The following PPFIA4 variants were observed in gnomAD, a reference collection of about 807,000 sequenced individuals.
The protein encoded by PPFIA4 is liprin-alpha-4.
A neutral mutation model predicts 145.7 loss-of-function variants in PPFIA4; 98 were observed. The ratio of observed to expected loss-of-function variants is 0.67; its 90% CI spans 0.57 to 0.80. The LOEUF is 0.80. PPFIA4 is among the 30% of genes least tolerant of loss of function. The pLI is 0.00. For missense variants in PPFIA4, 1,457 were observed against 1,632.7 expected, an observed-to-expected ratio of 0.89 and a Z score of 1.85; for synonymous variants, 628 against 649.6, an observed-to-expected ratio of 0.97 and a Z score of 0.51.
chr1:203,032,426 C>CTTTTTTTTTTTTTTTTTT (rs67178955), intron 1 of PPFIA4, among the ~76,000 whole-genome samples: 12 of 59,468 alleles, frequency 2.0e-4, no homozygotes, highest in African/African-American at 3.1e-4. Context: ...CCCTTCCCCG[C>CTTTTTTTTTTTTTTTTTT]TTTTTTGTTG....
chr1:203,054,112 G>GGC (rs10635298), intron 15 of PPFIA4, 151 bp downstream of exon 15: 200,978 of 875,066 alleles, frequency 0.23, 24,302 homozygotes, highest in South Asian at 0.28. Flanking sequence ...CAGGCCCGCT[G>GGC]CCAGTGCCGG....
rs533775431 is a variant in PPFIA4 at position 203,054,799 on chromosome 1, C to A, written c.1830-633C>A. On this transcript the variant is annotated intron_variant, in intron 15 of 29. Transcript: ENST00000295706. Reference sequence around the variant, plus strand: ...ATTAATGATAATGACTATCTATTATCGCAATCATTTTGCAAAAGAAAGGAC... The same window carrying A: ...ATTAATGATAATGACTATCTATTATAGCAATCATTTTGCAAAAGAAAGGAC... 7.2e-5 allele frequency among the ~76,000 whole-genome samples: 11 copies of A among 152,084 alleles called. No individual in the cohort carries two copies. In the South Asian group the frequency reaches 2.3e-3, roughly 32 times the overall value.
chr1:203,054,854 TACTC>T (rs1299139314), intron 15 of PPFIA4, among the ~76,000 whole-genome samples: 2 of 152,226 alleles, frequency 1.3e-5, no homozygotes, highest in Non-Finnish European at 2.9e-5. Flanking sequence ...AAGAAAGACA[TACTC>T]AGAATAAAGG....
chr1:203,028,678 T>C (rs1276755151), intron 1 of PPFIA4, among the ~76,000 whole-genome samples: 1 of 151,904 alleles, frequency 6.6e-6, no homozygotes, highest in Non-Finnish European at 1.5e-5. Context: ...TGAGTGTGTG[T>C]GCTTGTGCAT....
intron 19 of PPFIA4, among the ~76,000 whole-genome samples, chr1:203,058,288 G>A (rs1418360370): frequency 6.6e-6 from 1 of 152,138 alleles, no homozygotes; most frequent in Non-Finnish European, 1.5e-5. Context: ...GGAGAGGTCT[G>A]TGTGTGAAGG....
At position 203,068,697 on chromosome 1, in the gene PPFIA4, T is replaced by A; in HGVS notation, c.3324+69T>A. 2 of 1,381,534 alleles carry A rather than the reference T, an allele frequency of 1.4e-6. No individual in the cohort carries two copies. Among genetic ancestry groups the A allele is most frequent in the Non-Finnish European group, 1.9e-6 (2 of 1,055,474 alleles). 85.6% of individuals were successfully genotyped at this position (1,381,534 alleles called of 1,614,324 possible). ...CCCTCACTTGCTCTCTTTCTTTCCC[T>A]CATACACAAAGGCTTAGGTATCTTG... On this transcript the variant is annotated intron_variant, in intron 27 of 29. Transcript: ENST00000295706. The surrounding 1 kb of genome is among the most constrained non-coding windows in gnomAD (Gnocchi z 4.7).
Position 203,041,541 on chromosome 1 carries a change from G to A in PPFIA4, c.235-1856G>A, listed in dbSNP as rs546677957. On this transcript the variant is annotated intron_variant, in intron 2 of 29. Coordinates refer to ENST00000295706, the MANE Select transcript of PPFIA4 (RefSeq NM_001304331.2). Reference sequence around the variant, plus strand: ...CAGGAGGTCCAGGCTGCAGTGAGTTGAAATTGAGTCACTGCACTCCAGCCT... The same window carrying A: ...CAGGAGGTCCAGGCTGCAGTGAGTTAAAATTGAGTCACTGCACTCCAGCCT... 1.8e-4 allele frequency among the ~76,000 whole-genome samples: 27 copies of A among 152,346 alleles called. No individual in the cohort carries two copies. In the East Asian group the frequency reaches 5.0e-3, roughly 28 times the overall value.
chr1:203,027,594 C>T (rs990751493), intron 1 of PPFIA4, among the ~76,000 whole-genome samples: 1 of 152,124 alleles, frequency 6.6e-6, no homozygotes. Flanking sequence ...CTTAAGGGTC[C>T]CCTCCAGGAG....
chr1:203,053,625 C>A, intron 14 of PPFIA4, 128 bp from the exon 15 acceptor site: 1 of 748,988 alleles, frequency 1.3e-6, no homozygotes, highest in Non-Finnish European at 2.2e-6. Context: ...GGTGGTGCGG[C>A]CTGAGATTCT....
chr1:203,051,710 G>A (rs943754008), intron 13 of PPFIA4, 59 bp from the exon 14 acceptor site: 64 of 1,552,436 alleles, frequency 4.1e-5, no homozygotes, highest in Non-Finnish European at 5.3e-5. Flanking sequence ...CCCACTGGGT[G>A]TGAGCTGGGG....
At chr1:203,032,867 C>A (rs1571654796) in intron 1 of PPFIA4, among the ~76,000 whole-genome samples, 1 of 151,940 alleles carries the variant, frequency 6.6e-6, no homozygotes, top group Non-Finnish European at 1.5e-5. Context: ...AAACCATGAC[C>A]CTCTAAACCA....
intron 15 of PPFIA4, chr1:203,054,247 T>C: frequency 1.6e-6 from 1 of 629,288 alleles, no homozygotes; most frequent in Non-Finnish European, 2.9e-6. Context: ...TCTTAACCAC[T>C]AAGAGTGTAG....
At chr1:203,059,648 A>G in intron 20 of PPFIA4, 122 bp from the exon 21 acceptor site, 1 of 765,414 alleles carries the variant, frequency 1.3e-6, no homozygotes, top group South Asian at 1.5e-5. Flanking sequence ...GAGCAGAGGA[A>G]GTCCAGGGTG....
intron 1 of PPFIA4, among the ~76,000 whole-genome samples, chr1:203,034,063 T>C (rs1252972705): frequency 6.6e-6 from 1 of 151,906 alleles, no homozygotes; most frequent in Non-Finnish European, 1.5e-5. Context: ...ACAGATGAGA[T>C]GATGTAAAGT....
intron 23 of PPFIA4, chr1:203,061,397 G>A (rs1661342776): frequency 1.9e-6 from 1 of 519,780 alleles, no homozygotes; most frequent in East Asian, 3.3e-5. Flanking sequence ...TGGGAGAGCT[G>A]GGCATCTTGC....
At chr1:203,054,194 G>A (rs562742324) in intron 15 of PPFIA4, 3 of 687,812 alleles carry the variant, frequency 4.4e-6, no homozygotes, top group African/African-American at 3.5e-5. Flanking sequence ...ATGTGGCTGG[G>A]CTCAGGAGGA....
Position 203,056,888 on chromosome 1 carries a change from T to G in PPFIA4, c.2345T>G (p.Leu782Arg). 6.2e-7 allele frequency: 1 copy of G among 1,614,052 alleles called. No homozygotes were observed. The highest frequency in any genetic ancestry group is 1.3e-5 in the African/African-American group (1 of 75,068). Residue 782 changes from leucine to arginine, a missense_variant, in exon 19 of 30, where the codon CTG becomes CGG. By Grantham distance (102) the Leu-to-Arg change is moderately radical (BLOSUM62 -2). This residue lies in a region of PPFIA4 where 848 missense variants were observed against 1,046.7 expected (regional missense o/e 0.81). Coordinates refer to ENST00000295706, the MANE Select transcript of PPFIA4 (RefSeq NM_001304331.2). ...GGCATCAAGTCGTCCATTGGCCGCC[T>G]GTTTGGGAAGAAGGAGAAGGGCAGG... ...RKGIKSSIGR[L>R]FGKKEKGRLI...
Position 203,055,829 on chromosome 1 carries a change from T to G in PPFIA4, c.2070+157T>G, listed in dbSNP as rs1362767185. 6.6e-6 allele frequency among the ~76,000 whole-genome samples: 1 copy of G among 152,192 alleles called. No individual in the cohort carries two copies. The highest frequency in any genetic ancestry group is 1.9e-4 in the East Asian group (1 of 5,178). On this transcript the variant is annotated intron_variant, in intron 16 of 29. Transcript: ENST00000295706. This position sits in a 1 kb window ranked among gnomAD's most constrained non-coding sequence, Gnocchi z 4.8. ...ATGTCAGGCCACCAGCCTGTCCTTC[T>G]GGGTTTGGGAAGGGCCTAGGTCATA... is the stretch of plus-strand genomic sequence containing the variant.
chr1:203,054,777 A>G (rs1015209436), intron 15 of PPFIA4, among the ~76,000 whole-genome samples: 1 of 152,208 alleles, frequency 6.6e-6, no homozygotes, highest in African/African-American at 2.4e-5. Flanking sequence ...GTAAAACATT[A>G]ATGATAATGA....
Sources: allele counts gnomAD v4.1 joint callset (sites outside exome capture counted in the v4.1 genomes callset), GRCh38; gene constraint gnomAD v4.1.1; regional missense constraint gnomAD v4.1.1; non-coding constraint Gnocchi (gnomAD v3.1); transcripts MANE v1.5; gene names NCBI Gene and HGNC (gene_info 2026-07-23, HGNC 2026-07-21).